Variants in SLC36A3 observed in about 807,000 individuals in gnomAD.
SLC36A3 encodes proton-coupled amino acid transporter 3.
Under a neutral mutation model 44.3 loss-of-function variants are expected in SLC36A3, and 35 were observed. That is an observed-to-expected ratio of 0.79 (90% CI 0.60 to 1.05). The LOEUF (loss-of-function observed/expected upper bound fraction) is 1.05, where lower values mean the gene tolerates loss of function less well. Among genes scored for constraint, SLC36A3 ranks in the 50% least tolerant of loss-of-function variants. SLC36A3 has a pLI of 0.00. For missense variants in SLC36A3, 540 were observed against 578.7 expected, an observed-to-expected ratio of 0.93 and a Z score of 0.69; for synonymous variants, 211 against 227.6, an observed-to-expected ratio of 0.93 and a Z score of 0.66.
chr5:151,299,252 C>CTATATA (rs1417584326), intron 1 of SLC36A3, among the ~76,000 whole-genome samples: 82 of 95,008 alleles, frequency 8.6e-4, no homozygotes, highest in Non-Finnish European at 1.5e-3. Context: ...CTCTCTCTCT[C>CTATATA]TCTCTCTCTC....
chr5:151,288,323 A>T, intron 5 of SLC36A3, 63 bp downstream of exon 5: 1 of 1,319,428 alleles, frequency 7.6e-7, no homozygotes, highest in Non-Finnish European at 1.1e-6. Context: ...TACTTTTGCT[A>T]ATGTAGCCTC....
intron 3 of SLC36A3, among the ~76,000 whole-genome samples, chr5:151,294,854 C>T (rs1215061360): frequency 1.3e-5 from 2 of 152,056 alleles, no homozygotes; most frequent in Non-Finnish European, 2.9e-5. Flanking sequence ...GTCTCGAACT[C>T]CTGACCTCAG....
chr5:151,291,014 G>A (rs1004556735), intron 4 of SLC36A3, among the ~76,000 whole-genome samples: 7 of 148,004 alleles, frequency 4.7e-5, no homozygotes, highest in South Asian at 2.1e-4. Flanking sequence ...ACAGATTCTC[G>A]CTCTGTTTCC....
intron 4 of SLC36A3, among the ~76,000 whole-genome samples, chr5:151,289,612 T>TA: frequency 6.6e-6 from 1 of 152,246 alleles, no homozygotes; most frequent in African/African-American, 2.4e-5. Flanking sequence ...TTTATTTTAT[T>TA]TTTTGAGACA....
intron 4 of SLC36A3, among the ~76,000 whole-genome samples, chr5:151,291,590 G>A (rs926486988): frequency 6.6e-6 from 1 of 151,948 alleles, no homozygotes; most frequent in African/African-American, 2.4e-5. Context: ...TCCTATAAAT[G>A]GATATTAGAT....
chr5:151,287,477 A>G lies in SLC36A3; in HGVS notation c.490-13T>C, dbSNP rs1193796729. 6.2e-7 allele frequency: 1 copy of G among 1,612,056 alleles called. No individual in the cohort carries two copies. Among genetic ancestry groups the G allele is most frequent in the African/African-American group, 1.3e-5 (1 of 74,892 alleles). ...CTTTTTCCACCATCTGACATAAAGC[A>G]CAATGACAGGCAGTGTGGTTGCTAC... On this transcript the variant is annotated splice_polypyrimidine_tract_variant and intron_variant, in intron 5 of 9. Transcript: ENST00000335230.
At position 151,296,520 on chromosome 5, in the gene SLC36A3, C is replaced by T. The variant is rs1466437983; in HGVS notation, c.220-252G>A. On this transcript the variant is annotated intron_variant, in intron 2 of 9. Coordinates refer to ENST00000335230, the MANE Select transcript of SLC36A3 (RefSeq NM_181774.4). ...GAGCTCATTACCTTCCCACATAGCC[C>T]ATGCATTTTCTCATTTTCCTTGAGT... is the stretch of plus-strand genomic sequence containing the variant. 3 of 531,634 alleles carry T rather than the reference C, an allele frequency of 5.6e-6. No individual in the cohort carries two copies. The African/African-American group carries it at 5.7e-5, about 10-fold the overall frequency. 32.9% of individuals were successfully genotyped at this position (531,634 alleles called of 1,614,324 possible).
Position 151,276,998 on chromosome 5 carries a change from C to T in SLC36A3, c.*395G>A, listed in dbSNP as rs553672169. The T allele has an allele frequency of 3.2e-4, 62 of 190,888 alleles. No homozygotes were observed. Among genetic ancestry groups the T allele is most frequent in the African/African-American group, 1.3e-3 (55 of 42,646 alleles). The allele number at this position is 190,888 out of a possible 1,614,324, so 11.8% of individuals were successfully genotyped here. On this transcript the variant is annotated 3_prime_UTR_variant, in exon 10 of 10. Transcript: ENST00000335230. ...TTAGAATATCTAAATAGAAAACTCCCTTCGCCCAACATACACTTTTCTAAA... is the reference window on the plus strand; with the variant it reads ...TTAGAATATCTAAATAGAAAACTCCTTTCGCCCAACATACACTTTTCTAAA...
At chr5:151,301,828 G>C (rs1755173990) in intron 1 of SLC36A3, among the ~76,000 whole-genome samples, 1 of 151,776 alleles carries the variant, frequency 6.6e-6, no homozygotes, top group African/African-American at 2.4e-5. Context: ...AATCGTCTCT[G>C]TCTAGGCAGT....
At chr5:151,303,099 C>T (rs1269251745) in intron 1 of SLC36A3, 128 bp downstream of exon 1, 3 of 1,205,234 alleles carry the variant, frequency 2.5e-6, no homozygotes, top group Non-Finnish European at 3.3e-6. Flanking sequence ...AAGGTTTCAT[C>T]TTTTATCCAC....
intron 1 of SLC36A3, among the ~76,000 whole-genome samples, chr5:151,299,264 C>CTATATATATATATATA (rs66776978): frequency 1.8e-4 from 11 of 59,644 alleles, no homozygotes; most frequent in East Asian, 6.0e-4. Flanking sequence ...CTCTCTCTCT[C>CTATATATATATATATA]TATATATATA....
chr5:151,303,414 T>G lies in SLC36A3; in HGVS notation c.-60A>C, dbSNP rs6887412. ...GTTAAGGCTCTGAATGAGCCTCTGA[T>G]GGGTCTTTCTCCAGAGAAACCATGG... On this transcript the variant is annotated 5_prime_UTR_variant, in exon 1 of 10. Coordinates refer to ENST00000335230, the MANE Select transcript of SLC36A3 (RefSeq NM_181774.4). 1.1e-5 allele frequency: 17 copies of G among 1,553,290 alleles called. No individual in the cohort carries two copies. The highest frequency in any genetic ancestry group is 1.5e-5 in the Non-Finnish European group (17 of 1,142,142).
At chr5:151,286,924 A>G (rs995590926) in intron 6 of SLC36A3, among the ~76,000 whole-genome samples, 1 of 151,976 alleles carries the variant, frequency 6.6e-6, no homozygotes, top group Non-Finnish European at 1.5e-5. Context: ...CACCCTATTT[A>G]TTTTTGCTGA....
chr5:151,291,560 G>T (rs114827877), intron 4 of SLC36A3, among the ~76,000 whole-genome samples: 262 of 152,010 alleles, frequency 1.7e-3, no homozygotes, highest in African/African-American at 6.0e-3. Flanking sequence ...TATTTATCTT[G>T]TTCCTCTATC....
In SLC36A3 at chr5:151,277,615, C is replaced by A. The variant is rs13155409; in HGVS notation, c.1191G>T (p.Leu397=). The A allele has an allele frequency of 6.2e-6, 10 of 1,614,174 alleles. No individual in the cohort carries two copies. The highest frequency in any genetic ancestry group is 8.5e-6 in the Non-Finnish European group (10 of 1,180,024). ...LIPRLDLVIS[L]VGSVSSSALA... is the part of the protein sequence containing the mutation. ...GGGCGCTGCTGCTCACGGAGCCTACCAGGGAGATGACCAAGTCCAGGCGGG... is the reference window on the plus strand; with the variant it reads ...GGGCGCTGCTGCTCACGGAGCCTACAAGGGAGATGACCAAGTCCAGGCGGG... The change falls in exon 10 of 10, where the codon CTG becomes CTT. Residue 397 remains leucine (L), a synonymous_variant. Transcript: ENST00000335230.
chr5:151,286,701 G>A (rs1459734867), intron 6 of SLC36A3, among the ~76,000 whole-genome samples: 1 of 152,132 alleles, frequency 6.6e-6, no homozygotes, highest in East Asian at 1.9e-4. Context: ...CAGATCCATG[G>A]ATGTGGAAAT....
chr5:151,293,450 C>T lies in SLC36A3; in HGVS notation c.318G>A (p.Lys106=). ...CAQHLSQRLQ[K]TFVNYGEATM... ...TGGCCTCTCCATAGTTCACAAAAGT[C>T]TTCTGCAGTCTAGGGGGAAAGAACA... is the stretch of plus-strand genomic sequence containing the variant. The change falls in exon 4 of 10, where the codon AAG becomes AAA. Residue 106 remains lysine (K), a synonymous_variant. Transcript: ENST00000335230. The T allele has an allele frequency of 6.2e-7, 1 of 1,612,806 alleles. No individual in the cohort carries two copies.
At position 151,287,168 on chromosome 5, in the gene SLC36A3, C is replaced by T. The variant is rs1444206576; in HGVS notation, c.708+78G>A. On this transcript the variant is annotated intron_variant, in intron 6 of 9. Transcript: ENST00000335230. ...GATCACCTTCCTCAGCTTCACCTGC[C>T]CATCATGATAACAAACCCTCCTCCC... 11 of 1,431,236 alleles carry T rather than the reference C, an allele frequency of 7.7e-6. No homozygotes were observed. In the South Asian group the frequency reaches 1.3e-4, roughly 16 times the overall value. 88.7% of individuals were successfully genotyped at this position (1,431,236 alleles called of 1,614,324 possible). A position where few individuals can be genotyped will look rare whatever the true frequency, so the allele number is the denominator to read the frequency against.
At position 151,284,158 on chromosome 5, in the gene SLC36A3, A is replaced by G; in HGVS notation, c.860T>C (p.Leu287Pro). 6.2e-7 allele frequency: 1 copy of G among 1,613,836 alleles called. No individual in the cohort carries two copies. The highest frequency in any genetic ancestry group is 8.5e-7 in the Non-Finnish European group (1 of 1,179,910). Residue 287 changes from leucine (L) to proline (P), a missense_variant, in exon 8 of 10, where the codon CTG (leucine) becomes CCG (proline). Coordinates refer to ENST00000335230, the MANE Select transcript of SLC36A3 (RefSeq NM_181774.4). ...MKHPQQFSFV[L>P]YLGMSIVIIL... is the part of the protein sequence containing the mutation. ...GATGACAATGGACATCCCCAAGTAC[A>G]GAACAAAAGAAAACTGCTGTGGATG...
Sources: gnomAD v4.1 joint callset for allele counts (sites outside exome capture counted in the v4.1 genomes callset) on GRCh38, gnomAD v4.1.1 for gene constraint, MANE v1.5 for transcripts, NCBI Gene and HGNC (gene_info 2026-07-23, HGNC 2026-07-21) for gene names.